The following FGF13 variants were observed in gnomAD, a reference collection of about 807,000 sequenced individuals.
FGF13 encodes fibroblast growth factor homologous factor 2.
A neutral mutation model predicts 19.5 loss-of-function variants in FGF13; 2 were observed. The ratio of observed to expected loss-of-function variants is 0.10; its 90% CI spans 0.04 to 0.32. FGF13 has a LOEUF of 0.32. Among genes scored for constraint, FGF13 ranks in the 10% least tolerant of loss-of-function variants. The pLI is 1.00. For synonymous variants in FGF13, 72 were observed against 76.9 expected (o/e 0.94, Z 0.33); for missense variants, 113 against 192.7 (o/e 0.59, Z 2.45).
At position 138,967,502 on chromosome X, in the gene FGF13, C is replaced by CT. The variant is rs2091899720; in HGVS notation, c.-112-102853dup. Among the ~76,000 whole-genome samples the CT allele has an allele frequency of 2.7e-5, 3 of 111,267 alleles. No homozygotes were observed. The South Asian group carries it at 1.1e-3, about 43-fold the overall frequency. On this transcript the variant is annotated intron_variant, in intron 1 of 2. Coordinates refer to the FGF13 transcript ENST00000421460. ...GCAGGTCTTCCAATGTTACAGAAAC[C>CT]TTAGGGAAGTAAAGTAAAACTGGAC...
rs2083481525 is a variant in FGF13, at chrX:139,097,974, AT to A, written c.-113+105441del. ...TGGTAAATACATGGGAGTTCATTTTATTTTTTCATTATAATTATTTTTAATC... is the reference window on the plus strand; with the variant it reads ...TGGTAAATACATGGGAGTTCATTTTATTTTTCATTATAATTATTTTTAATC... On this transcript the variant is annotated intron_variant, in intron 1 of 2. Transcript: ENST00000421460. Among the ~76,000 whole-genome samples, 3 of 112,042 alleles carry A rather than the reference AT, an allele frequency of 2.7e-5. No individual in the cohort carries two copies. The South Asian group carries it at 1.1e-3, about 42-fold the overall frequency.
In FGF13 at chrX:138,632,841, C is replaced by T. The variant is rs761766351; in HGVS notation, c.*9G>A. The T allele has an allele frequency of 8.3e-7, 1 of 1,203,679 alleles. No homozygotes were observed. Among genetic ancestry groups the T allele is most frequent in the South Asian group, 1.8e-5 (1 of 55,852 alleles). ...TTCTGTTACAGAGCCCTTCTTTTGC[C>T]CTCACTGGCTACGTTGATTCATTGT... On this transcript the variant is annotated 3_prime_UTR_variant, in exon 5 of 5. Coordinates refer to ENST00000315930, the MANE Select transcript of FGF13 (RefSeq NM_004114.5).
intron 3 of FGF13, among the ~76,000 whole-genome samples, chrX:138,695,305 A>C (rs1355666577): frequency 8.9e-6 from 1 of 111,982 alleles, no homozygotes; most frequent in African/African-American, 3.2e-5. Flanking sequence ...GTCATAAAAC[A>C]CAAAGAAAGT....
chrX:139,161,136 A>C (rs770609041), intron 1 of FGF13, among the ~76,000 whole-genome samples: 31 of 112,245 alleles, frequency 2.8e-4, no homozygotes, highest in Non-Finnish European at 4.9e-4. Flanking sequence ...CACATTAAAA[A>C]GCTTATCCAC....
chrX:138,746,428 T>A (rs914735061), intron 3 of FGF13, among the ~76,000 whole-genome samples: 5 of 110,226 alleles, frequency 4.5e-5, no homozygotes, highest in Admixed American at 1.9e-4. Context: ...AAAAAAAAAA[T>A]AGTTCTATTG....
chrX:138,930,161 C>T lies in FGF13; in HGVS notation c.-112-65511G>A, dbSNP rs186581197. On this transcript the variant is annotated intron_variant, in intron 1 of 2. Coordinates refer to the FGF13 transcript ENST00000421460. Reference sequence around the variant, plus strand: ...CAAGTGGCCTGAAAGAGTTAACAAGCCTCAAGTCTGAAAAAAATATATAAC... The same window carrying T: ...CAAGTGGCCTGAAAGAGTTAACAAGTCTCAAGTCTGAAAAAAATATATAAC... 6.3e-5 allele frequency among the ~76,000 whole-genome samples: 7 copies of T among 111,272 alleles called. No individual in the cohort carries two copies. The East Asian group carries it at 2.0e-3, about 31-fold the overall frequency.
At chrX:139,073,982 C>A (rs187191286) in intron 1 of FGF13, among the ~76,000 whole-genome samples, 1,384 of 112,595 alleles carry the variant, frequency 0.012, 28 homozygotes, top group African/African-American at 0.042. Flanking sequence ...ACTCTCAGAA[C>A]AAAATGTAGT....
intron 1 of FGF13, among the ~76,000 whole-genome samples, chrX:138,875,617 G>A (rs775792602): frequency 9.0e-6 from 1 of 111,706 alleles, no homozygotes; most frequent in Admixed American, 9.5e-5. Flanking sequence ...TCGGTAGACT[G>A]AGTAAAGCAG....
At chrX:138,947,253 T>C (rs1000848032) in intron 1 of FGF13, among the ~76,000 whole-genome samples, 6 of 111,714 alleles carry the variant, frequency 5.4e-5, no homozygotes, top group African/African-American at 2.0e-4. Flanking sequence ...TTTCATATAA[T>C]TGTTTTTTCA....
intron 3 of FGF13, among the ~76,000 whole-genome samples, chrX:138,819,825 G>T (rs1044191881): frequency 1.8e-5 from 2 of 111,549 alleles, no homozygotes; most frequent in African/African-American, 6.5e-5. Flanking sequence ...TACTTATTAT[G>T]GAACTGCATA....
rs192192898 is a variant in FGF13, at chrX:138,940,181, C to T, written c.-112-75531G>A. 2.0e-4 allele frequency among the ~76,000 whole-genome samples: 22 copies of T among 111,306 alleles called. No homozygotes were observed. In the East Asian group the frequency reaches 6.2e-3, roughly 32 times the overall value. ...TTCTCTAATGATTAGTGATGGTGAG[C>T]TTTTTTTTATATCCTTATTGGCCAC... On this transcript the variant is annotated intron_variant, in intron 1 of 2. Coordinates refer to the FGF13 transcript ENST00000421460.
At chrX:138,770,609 G>A (rs944042526) in intron 3 of FGF13, among the ~76,000 whole-genome samples, 7 of 111,458 alleles carry the variant, frequency 6.3e-5, no homozygotes, top group African/African-American at 1.3e-4. Context: ...ATCGTGGCAC[G>A]TTTTTAAATG....
chrX:138,937,106 A>T (rs912916564), intron 1 of FGF13, among the ~76,000 whole-genome samples: 7 of 110,458 alleles, frequency 6.3e-5, no homozygotes, highest in Non-Finnish European at 1.1e-4. Flanking sequence ...TCTCCAGTCC[A>T]TCTCTACCCC....
At position 138,858,401 on chromosome X, in the gene FGF13, T is replaced by A. The variant is rs775609131; in HGVS notation, c.-38-722A>T. Among the ~76,000 whole-genome samples the A allele has an allele frequency of 1.1e-3, 121 of 112,102 alleles. 1 individual carries two copies. The highest frequency in any genetic ancestry group is 2.0e-3 in the Non-Finnish European group (108 of 53,233). On this transcript the variant is annotated intron_variant, in intron 2 of 2. Coordinates refer to the FGF13 transcript ENST00000421460. ...CTAGGCTCTTTATATGCTTCCTAAGTGTATCACTAGTGTTTTTGTATCACT... is the reference window on the plus strand; with the variant it reads ...CTAGGCTCTTTATATGCTTCCTAAGAGTATCACTAGTGTTTTTGTATCACT...
intron 1 of FGF13, among the ~76,000 whole-genome samples, chrX:139,117,034 C>A (rs953099392): frequency 9.0e-6 from 1 of 111,253 alleles, no homozygotes; most frequent in Non-Finnish European, 1.9e-5. Flanking sequence ...TTATCAACTA[C>A]CATTAACTGA....
intron 3 of FGF13, among the ~76,000 whole-genome samples, chrX:138,664,638 C>G (rs1455079885): frequency 9.1e-6 from 1 of 110,461 alleles, no homozygotes; most frequent in Admixed American, 9.7e-5. Flanking sequence ...CCACAGATGG[C>G]TAGTTATAGA....
chrX:139,197,238 T>C (rs982025439), intron 1 of FGF13, among the ~76,000 whole-genome samples: 1 of 112,552 alleles, frequency 8.9e-6, no homozygotes, highest in Non-Finnish European at 1.9e-5. Context: ...TGACTTCATA[T>C]AAGCTACATG....
intron 1 of FGF13, among the ~76,000 whole-genome samples, chrX:138,894,964 T>C (rs910388215): frequency 1.8e-5 from 2 of 111,989 alleles, no homozygotes; most frequent in African/African-American, 6.5e-5. Flanking sequence ...TTATCCACCA[T>C]GATCGAGTGG....
intron 1 of FGF13, among the ~76,000 whole-genome samples, chrX:139,010,498 G>C (rs1403695227): frequency 9.0e-6 from 1 of 111,555 alleles, no homozygotes; most frequent in African/African-American, 3.3e-5. Context: ...TATCTAAAAG[G>C]AACCCTCAAA....
Sources: gnomAD v4.1 joint callset for allele counts (sites outside exome capture counted in the v4.1 genomes callset) on GRCh38, gnomAD v4.1.1 for gene constraint, MANE v1.5 for transcripts, NCBI Gene and HGNC (gene_info 2026-07-23, HGNC 2026-07-21) for gene names.